VPS13B: variants seen among roughly 807,000 people sequenced by gnomAD.
VPS13B encodes intermembrane lipid transfer protein VPS13B.
In VPS13B, 285 loss-of-function variants were observed where a neutral mutation model predicts 426.4. The ratio of observed to expected loss-of-function variants is 0.67; its 90% CI spans 0.61 to 0.74. The LOEUF (loss-of-function observed/expected upper bound fraction) is 0.74. Ranked by LOEUF, VPS13B falls within the 30% of genes least tolerant of loss-of-function variation. VPS13B has a pLI of 0.00. For synonymous variants in VPS13B, 1,676 were observed against 1,676.4 expected, an observed-to-expected ratio of 1.00 and a Z score of 0.01; for missense variants, 4,537 against 4,782.6, an observed-to-expected ratio of 0.95 and a Z score of 1.51.
At chr8:99,233,542 G>A (rs765724731) in intron 17 of VPS13B, 2 of 1,127,718 alleles carry the variant, frequency 1.8e-6, no homozygotes, top group Non-Finnish European at 2.7e-6. Flanking sequence ...CTGGTGATGG[G>A]GGTACAGGCT....
intron 40 of VPS13B, among the ~76,000 whole-genome samples, chr8:99,776,499 T>G (rs1811748268): frequency 6.6e-6 from 1 of 152,126 alleles, no homozygotes; most frequent in Admixed American, 6.6e-5. Context: ...CTCACTATGT[T>G]ACCCAGGCTG....
intron 22 of VPS13B, among the ~76,000 whole-genome samples, chr8:99,438,034 C>CT (rs746500253): frequency 0.12 from 14,437 of 120,554 alleles, 1,168 homozygotes; most frequent in African/African-American, 0.21. Flanking sequence ...TTCTTTTCCT[C>CT]TTTTTTTTTT....
intron 29 of VPS13B, among the ~76,000 whole-genome samples, chr8:99,517,697 G>T (rs1195891558): frequency 2.0e-5 from 3 of 152,072 alleles, no homozygotes; most frequent in African/African-American, 7.2e-5. Flanking sequence ...TCTAGAATGA[G>T]TAGTTCCTCA....
Position 99,511,439 on chromosome 8 carries a change from T to A in VPS13B, c.4560T>A (p.Pro1520=). The A allele has an allele frequency of 1.9e-6, 3 of 1,613,438 alleles. No homozygotes were observed. The highest frequency in any genetic ancestry group is 2.5e-6 in the Non-Finnish European group (3 of 1,179,902). Residue 1520 remains proline, a synonymous_variant, in exon 29 of 62, where the codon CCT becomes CCA. Coordinates refer to ENST00000357162, the MANE Select transcript of VPS13B (RefSeq NM_152564.5). Reference sequence around the variant, plus strand: ...ATACACTGACATCCCGCAATTTACCTTTGATTTATGTCAACACAAGTGTAA... The same window carrying A: ...ATACACTGACATCCCGCAATTTACCATTGATTTATGTCAACACAAGTGTAA... ...RTHTLTSRNL[P]LIYVNTSVIR... is the part of the protein sequence containing the mutation.
intron 32 of VPS13B, among the ~76,000 whole-genome samples, chr8:99,576,684 C>G (rs1254597565): frequency 6.6e-6 from 1 of 152,114 alleles, no homozygotes; most frequent in Non-Finnish European, 1.5e-5. Context: ...ACATGCACAT[C>G]ATGACAAGAG....
intron 8 of VPS13B, among the ~76,000 whole-genome samples, chr8:99,132,975 T>G (rs181309747): frequency 6.6e-6 from 1 of 152,160 alleles, no homozygotes; most frequent in African/African-American, 2.4e-5. Context: ...GAATGGTAAA[T>G]GAACACTATC....
chr8:99,135,865 A>G, intron 11 of VPS13B, 132 bp downstream of exon 11: 2 of 1,242,254 alleles, frequency 1.6e-6, no homozygotes, highest in South Asian at 1.3e-5. Flanking sequence ...AACATTTAGA[A>G]TGCATTTATA....
intron 3 of VPS13B, among the ~76,000 whole-genome samples, chr8:99,056,564 T>C (rs973737878): frequency 1.2e-4 from 19 of 152,238 alleles, no homozygotes; most frequent in Non-Finnish European, 2.6e-4. Context: ...CAGTGTTTAA[T>C]AGCAGTGGTG....
chr8:99,251,977 G>A (rs546236247), intron 17 of VPS13B, among the ~76,000 whole-genome samples: 23 of 151,384 alleles, frequency 1.5e-4, no homozygotes, highest in African/African-American at 5.6e-4. Flanking sequence ...TCTTATTAGA[G>A]TTTTTTCAGT....
chr8:99,324,737 G>T (rs936954132), intron 19 of VPS13B, among the ~76,000 whole-genome samples: 12 of 152,086 alleles, frequency 7.9e-5, no homozygotes, highest in Non-Finnish European at 1.8e-4. Context: ...GAGCACAAGG[G>T]TATAGATTAC....
At chr8:99,359,751 A>C (rs958832069) in intron 19 of VPS13B, among the ~76,000 whole-genome samples, 1 of 152,226 alleles carries the variant, frequency 6.6e-6, no homozygotes, top group Admixed American at 6.5e-5. Context: ...TTCTAAATGA[A>C]AAGTATGGCC....
chr8:99,793,264 T>C, intron 43 of VPS13B, among the ~76,000 whole-genome samples: 1 of 143,112 alleles, frequency 7.0e-6, no homozygotes, highest in African/African-American at 2.6e-5. Context: ...CATATATATA[T>C]ATATATATAT....
At chr8:99,401,180 A>T (rs137952151) in intron 21 of VPS13B, among the ~76,000 whole-genome samples, 56 of 152,236 alleles carry the variant, frequency 3.7e-4, no homozygotes, top group African/African-American at 1.3e-3. Flanking sequence ...CTATTTTGCA[A>T]AGGTTTGCTG....
intron 4 of VPS13B, among the ~76,000 whole-genome samples, chr8:99,098,179 A>G (rs1316188893): frequency 6.6e-6 from 1 of 151,862 alleles, no homozygotes; most frequent in Admixed American, 6.6e-5. Context: ...CATGCCTACT[A>G]TTTACTTTTT....
intron 43 of VPS13B, among the ~76,000 whole-genome samples, chr8:99,798,313 G>A (rs1812958180): frequency 6.6e-6 from 1 of 151,596 alleles, no homozygotes; most frequent in Non-Finnish European, 1.5e-5. Flanking sequence ...GAAGTCACCA[G>A]TAGAAGTAAA....
At chr8:99,288,286 C>T (rs1819550821) in intron 19 of VPS13B, among the ~76,000 whole-genome samples, 1 of 151,874 alleles carries the variant, frequency 6.6e-6, no homozygotes, top group African/African-American at 2.4e-5. Flanking sequence ...ATTACCAGTG[C>T]TTAATGGGAT....
At chr8:99,816,571 TG>T (rs1416709103) in intron 44 of VPS13B, among the ~76,000 whole-genome samples, 3 of 152,054 alleles carry the variant, frequency 2.0e-5, no homozygotes, top group African/African-American at 7.2e-5. Flanking sequence ...TTTGGGAGGC[TG>T]GGGTGTGAAG....
intron 33 of VPS13B, among the ~76,000 whole-genome samples, chr8:99,640,001 T>TAAGAAGAAGAAGAAGAAG (rs1411599948): frequency 1.7e-5 from 1 of 59,738 alleles, no homozygotes; most frequent in African/African-American, 7.5e-5. Context: ...ATAATAATAA[T>TAAGAAGAAGAAGAAGAAG]AATAATAATA....
At chr8:99,052,775 G>T (rs771633240) in intron 3 of VPS13B, among the ~76,000 whole-genome samples, 1 of 152,090 alleles carries the variant, frequency 6.6e-6, no homozygotes, top group South Asian at 2.1e-4. Context: ...TGTATGTGTC[G>T]AAGAATTTAT....
Sources: allele counts gnomAD v4.1 joint callset (sites outside exome capture counted in the v4.1 genomes callset), GRCh38; gene constraint gnomAD v4.1.1; transcripts MANE v1.5; gene names NCBI Gene and HGNC (gene_info 2026-07-23, HGNC 2026-07-21).